The following DAP variants were observed in gnomAD, a reference collection of about 807,000 sequenced individuals.
DAP encodes death-associated protein 1.
DAP carries 8 observed loss-of-function variants against 13.8 expected under a neutral mutation model. The ratio of observed to expected loss-of-function variants is 0.58; its 90% CI spans 0.34 to 1.05. DAP has a LOEUF of 1.05. DAP is among the 50% of genes least tolerant of loss of function. The pLI, the probability that DAP is intolerant of heterozygous loss-of-function variation, is 0.03. For synonymous variants in DAP, 47 were observed against 47.5 expected, an observed-to-expected ratio of 0.99 and a Z score of 0.04; for missense variants, 106 against 133.2, an observed-to-expected ratio of 0.80 and a Z score of 1.01.
intron 2 of DAP, among the ~76,000 whole-genome samples, chr5:10,699,994 C>T (rs1186933612): frequency 6.6e-6 from 1 of 152,222 alleles, no homozygotes; most frequent in Non-Finnish European, 1.5e-5. Context: ...GAGCAAGCTG[C>T]GACCCTGAGG....
intron 2 of DAP, among the ~76,000 whole-genome samples, chr5:10,739,837 A>G (rs1191757610): frequency 6.6e-6 from 1 of 151,924 alleles, no homozygotes; most frequent in East Asian, 1.9e-4. Context: ...GTTTGAACAG[A>G]AAAGGCATGC....
chr5:10,738,795 A>G (rs1480437530), intron 2 of DAP, among the ~76,000 whole-genome samples: 1 of 152,252 alleles, frequency 6.6e-6, no homozygotes, highest in African/African-American at 2.4e-5. Context: ...ATAATTATAC[A>G]GTACTTGCTT....
intron 2 of DAP, among the ~76,000 whole-genome samples, chr5:10,730,343 A>C (rs1295615723): frequency 6.6e-6 from 1 of 152,232 alleles, no homozygotes; most frequent in Non-Finnish European, 1.5e-5. Flanking sequence ...GCTGCTGCTG[A>C]AAAAATTATG....
At chr5:10,700,995 T>G (rs949695719) in intron 2 of DAP, among the ~76,000 whole-genome samples, 1 of 152,238 alleles carries the variant, frequency 6.6e-6, no homozygotes, top group Non-Finnish European at 1.5e-5. Context: ...GTGAAATGCC[T>G]GTGTCTGTGC....
At chr5:10,718,663 C>G (rs1739058643) in intron 2 of DAP, among the ~76,000 whole-genome samples, 1 of 152,220 alleles carries the variant, frequency 6.6e-6, no homozygotes, top group Non-Finnish European at 1.5e-5. Flanking sequence ...AGTGGTGACT[C>G]TAAGTGCAGC....
intron 2 of DAP, among the ~76,000 whole-genome samples, chr5:10,729,647 G>C (rs891503523): frequency 4.6e-5 from 7 of 152,112 alleles, no homozygotes; most frequent in African/African-American, 1.7e-4. Context: ...GAATGCCAGA[G>C]CAACTACAGC....
chr5:10,711,845 C>T (rs771189606), intron 2 of DAP, among the ~76,000 whole-genome samples: 17 of 152,190 alleles, frequency 1.1e-4, no homozygotes, highest in Non-Finnish European at 2.5e-4. Flanking sequence ...GCAAGCACTG[C>T]GTGGGTACAA....
chr5:10,730,520 A>G (rs933647613), intron 2 of DAP, among the ~76,000 whole-genome samples: 1 of 148,968 alleles, frequency 6.7e-6, no homozygotes, highest in Non-Finnish European at 1.5e-5. Flanking sequence ...GGTCGGGGGG[A>G]ATCTTTCTCT....
chr5:10,694,635 A>G (rs569842136), intron 2 of DAP, among the ~76,000 whole-genome samples: 12 of 152,338 alleles, frequency 7.9e-5, no homozygotes, highest in African/African-American at 2.6e-4. Context: ...TGCTGATGAA[A>G]GGTAGTCACA....
intron 1 of DAP, among the ~76,000 whole-genome samples, chr5:10,756,320 T>C (rs1740181031): frequency 1.1e-5 from 1 of 94,082 alleles, no homozygotes; most frequent in African/African-American, 4.6e-5. Context: ...ACTGGGACTA[T>C]GCTTAGCAAA....
chr5:10,741,340 G>A (rs555370685), intron 2 of DAP, among the ~76,000 whole-genome samples: 3 of 152,326 alleles, frequency 2.0e-5, no homozygotes, highest in African/African-American at 7.2e-5. Flanking sequence ...GTGGCAGAGT[G>A]AGACCCTGTC....
chr5:10,705,241 T>A (rs1464636923), intron 2 of DAP, among the ~76,000 whole-genome samples: 3 of 152,200 alleles, frequency 2.0e-5, no homozygotes, highest in African/African-American at 7.2e-5. Context: ...CTACACACGG[T>A]CGTGACACAT....
intron 2 of DAP, among the ~76,000 whole-genome samples, chr5:10,723,419 C>T (rs985536598): frequency 6.6e-5 from 10 of 152,212 alleles, no homozygotes; most frequent in Admixed American, 3.3e-4. Flanking sequence ...CTTTGCAGCA[C>T]GATGCCTTGT....
intron 1 of DAP, among the ~76,000 whole-genome samples, chr5:10,760,402 G>C (rs374304227): frequency 5.1e-4 from 78 of 152,260 alleles, no homozygotes; most frequent in African/African-American, 1.7e-3. Context: ...TTCTAAGAAA[G>C]ACCGCTCTTT....
At chr5:10,746,349 G>C (rs1276210862) in intron 2 of DAP, among the ~76,000 whole-genome samples, 1 of 137,808 alleles carries the variant, frequency 7.3e-6, no homozygotes, top group Non-Finnish European at 1.5e-5. Flanking sequence ...TTTTTTTTGA[G>C]ACAAGAGTTT....
intron 2 of DAP, among the ~76,000 whole-genome samples, chr5:10,692,695 T>A (rs764512303): frequency 6.6e-5 from 10 of 152,158 alleles, no homozygotes; most frequent in Admixed American, 1.3e-4. Flanking sequence ...ACACCCCACA[T>A]GTACCTACTC....
intron 2 of DAP, among the ~76,000 whole-genome samples, chr5:10,713,390 G>A (rs574388627): frequency 3.5e-4 from 53 of 152,338 alleles, no homozygotes; most frequent in African/African-American, 1.3e-3. Context: ...GGCAGCAGAG[G>A]AGGAGATCAC....
intron 2 of DAP, among the ~76,000 whole-genome samples, chr5:10,721,284 A>C (rs1470933253): frequency 6.6e-6 from 1 of 152,200 alleles, no homozygotes; most frequent in Non-Finnish European, 1.5e-5. Flanking sequence ...ATCCACTGGC[A>C]AAATTTTTGC....
rs538981323 is a variant in DAP at position 10,707,880 on chromosome 5, C to G, written c.153-24309G>C. On this transcript the variant is annotated intron_variant, in intron 2 of 3. Coordinates refer to ENST00000230895, the MANE Select transcript of DAP (RefSeq NM_004394.3). The surrounding 1 kb of genome is among the most constrained non-coding windows in gnomAD (Gnocchi z 4.0). ...TTTAGATTAAATTCTCCATGAATCA[C>G]ATTAATTTGGTGCCTCACCCCATGC... Among the ~76,000 whole-genome samples, 6 of 152,316 alleles carry G rather than the reference C, an allele frequency of 3.9e-5. No individual in the cohort carries two copies. The East Asian group carries it at 1.2e-3, about 29-fold the overall frequency.
Sources: allele counts gnomAD v4.1 joint callset (sites outside exome capture counted in the v4.1 genomes callset), GRCh38; gene constraint gnomAD v4.1.1; non-coding constraint Gnocchi (gnomAD v3.1); transcripts MANE v1.5; gene names NCBI Gene and HGNC (gene_info 2026-07-23, HGNC 2026-07-21).